NEB: variants seen among roughly 807,000 people sequenced by gnomAD.
The protein encoded by NEB is nebulin.
NEB carries 512 observed loss-of-function variants against 952.2 expected under a neutral mutation model. That is an observed-to-expected ratio of 0.54 (90% CI 0.50 to 0.58). NEB has a LOEUF of 0.58. Among genes scored for constraint, NEB ranks in the 20% least tolerant of loss-of-function variants. The probability of loss-of-function intolerance (pLI) is 0.00; values close to 1 mark genes in which losing one functional copy is unlikely to be tolerated. For missense variants in NEB, 8,428 were observed against 9,231.1 expected (o/e 0.91, Z 3.56); for synonymous variants, 2,900 against 3,149.8 (o/e 0.92, Z 2.66).
intron 67 of NEB, 113 bp downstream of exon 67, chr2:151,630,602 G>T: frequency 2.6e-6 from 2 of 756,770 alleles, no homozygotes; most frequent in East Asian, 5.5e-5. Flanking sequence ...TGGATGAGTG[G>T]AGTGTTAAAT....
Position 151,734,410 on chromosome 2 carries a change from A to G in NEB, c.-126T>C, listed in dbSNP as rs1393379130. 6.6e-6 allele frequency: 1 copy of G among 152,174 alleles called. No individual in the cohort carries two copies. The highest frequency in any genetic ancestry group is 1.9e-4 in the East Asian group (1 of 5,184). The allele number at this position is 152,174 out of a possible 1,614,324, so 9.4% of individuals were successfully genotyped here. A position where few individuals can be genotyped will look rare whatever the true frequency, so the allele number is the denominator to read the frequency against. Reference sequence around the variant, plus strand: ...AAACTGGCCTTACCTTCAATCTACCAAATAAATTTCCTCAGCAGCAAAGCC... The same window carrying G: ...AAACTGGCCTTACCTTCAATCTACCGAATAAATTTCCTCAGCAGCAAAGCC... On this transcript the variant is annotated 5_prime_UTR_variant, in exon 1 of 182. Transcript: ENST00000397345.
chr2:151,732,567 C>T (rs894766851), intron 3 of NEB, among the ~76,000 whole-genome samples: 1 of 151,988 alleles, frequency 6.6e-6, no homozygotes, highest in Non-Finnish European at 1.5e-5. Flanking sequence ...GACCTTCATG[C>T]CTTTATTTAT....
At chr2:151,577,756 T>C (rs2096929785) in intron 105 of NEB, among the ~76,000 whole-genome samples, 1 of 152,160 alleles carries the variant, frequency 6.6e-6, no homozygotes, top group Admixed American at 6.5e-5. Flanking sequence ...TTTTTGTGTT[T>C]TTAGTAAAGA....
chr2:151,628,586 A>G (rs1386707009), intron 68 of NEB, among the ~76,000 whole-genome samples: 2 of 152,174 alleles, frequency 1.3e-5, no homozygotes, highest in South Asian at 4.1e-4. Flanking sequence ...TATGCCTGTA[A>G]TCCCAGCACT....
rs1268334135 is a variant in NEB, at chr2:151,485,831, A to G, written c.25507T>C (p.Trp8503Arg). 1.2e-6 allele frequency: 2 copies of G among 1,614,006 alleles called. No individual in the cohort carries two copies. The highest frequency in any genetic ancestry group is 1.7e-6 in the Non-Finnish European group (2 of 1,179,962). Reference sequence around the variant, plus strand: ...GTCCTCTGCACAGTGCCATACATCCAGCCTTCATCAATTGCTTGAACATTT... The same window carrying G: ...GTCCTCTGCACAGTGCCATACATCCGGCCTTCATCAATTGCTTGAACATTT... ...IINVQAIDEG[W>R]MYGTVQRTGR... Residue 8503 changes from tryptophan to arginine, a missense_variant, in exon 182 of 182, where the codon TGG (tryptophan) becomes CGG (arginine). By Grantham distance (101) the Trp-to-Arg change is moderately radical. Around this residue, in one of 11 missense-constraint regions of NEB, gnomAD observed 3,374 missense variants for 3,651.5 expected, o/e 0.92. Transcript: ENST00000397345.
Position 151,501,486 on chromosome 2 carries a change from G to T in NEB, c.23929-3C>A, listed in dbSNP as rs1467422429. On this transcript the variant is annotated splice_polypyrimidine_tract_variant and splice_region_variant and intron_variant, in intron 167 of 181. Coordinates refer to ENST00000397345, the MANE Select transcript of NEB (RefSeq NM_001164508.2). ...CTCAAGTTCTCTTTGTACAATATCT[G>T]TGTGCACAAAACCAACAAACAAATC... 1.4e-6 allele frequency: 2 copies of T among 1,464,030 alleles called. No homozygotes were observed. The highest frequency in any genetic ancestry group is 2.8e-5 in the African/African-American group (2 of 70,518). 90.7% of individuals were successfully genotyped at this position (1,464,030 alleles called of 1,614,324 possible). A position where few individuals can be genotyped will look rare whatever the true frequency, so the allele number is the denominator to read the frequency against.
At chr2:151,702,174 T>C (rs577751355) in intron 13 of NEB, among the ~76,000 whole-genome samples, 159 of 148,774 alleles carry the variant, frequency 1.1e-3, no homozygotes, top group African/African-American at 3.5e-3. Context: ...AGTTGAGCGG[T>C]TTTGAGTGAG....
rs765813999 is a variant in NEB, at chr2:151,491,714, G to A, written c.25119C>T (p.Asn8373=). Residue 8373 remains asparagine, a synonymous_variant, in exon 179 of 182, where the codon AAC becomes AAT. Coordinates refer to ENST00000397345, the MANE Select transcript of NEB (RefSeq NM_001164508.2). ...TCATGTGTAAGCTTCGGGACTGGAT[G>A]TTGTCTTCTGCTGGATCATAGTCAA... ...SVFDYDPAED[N]IQSRSLHMIN... 4.4e-6 allele frequency: 7 copies of A among 1,598,122 alleles called. No homozygotes were observed. Among genetic ancestry groups the A allele is most frequent in the South Asian group, 2.3e-5 (2 of 87,932 alleles).
chr2:151,520,429 T>C (rs796778401), intron 153 of NEB, among the ~76,000 whole-genome samples: 8 of 152,238 alleles, frequency 5.3e-5, no homozygotes, highest in African/African-American at 1.9e-4. Context: ...TTAGTATACA[T>C]AAAAATAAGT....
chr2:151,570,547 C>T lies in NEB; in HGVS notation c.17068G>A (p.Asp5690Asn). ...EMKAGCDVRL[D>N]AIPIQAAKAS... The stretch of plus-strand genomic sequence containing the variant: ...TTGGCAGCCTGGATGGGGATGGCAT[C>T]CAGCCGGACATCACAGCCCGCCTTC... Residue 5690 changes from aspartate (D) to asparagine (N), a missense_variant, in exon 108 of 182, where the codon GAT (aspartate) becomes AAT (asparagine). By Grantham distance (23) the Asp-to-Asn change is conservative (BLOSUM62 1). Coordinates refer to ENST00000397345, the MANE Select transcript of NEB (RefSeq NM_001164508.2). The T allele has an allele frequency of 1.9e-6, 3 of 1,610,886 alleles. No homozygotes were observed. The highest frequency in any genetic ancestry group is 1.7e-6 in the Non-Finnish European group (2 of 1,178,724).
intron 10 of NEB, among the ~76,000 whole-genome samples, chr2:151,712,363 G>A (rs1233778799): frequency 6.6e-6 from 1 of 152,154 alleles, no homozygotes; most frequent in East Asian, 1.9e-4. Context: ...ATTTGTTAAG[G>A]ATAATTGAGC....
chr2:151,679,681 C>CCT, intron 32 of NEB, 40 bp downstream of exon 32: 1 of 957,198 alleles, frequency 1.0e-6, no homozygotes, highest in South Asian at 1.4e-5. Context: ...CACCCACCCA[C>CCT]ATTTTCTAGT....
chr2:151,731,713 TTTCCAG>T (rs1289907892), intron 3 of NEB, among the ~76,000 whole-genome samples: 2 of 152,140 alleles, frequency 1.3e-5, no homozygotes, highest in African/African-American at 4.8e-5. Context: ...CTAAGGACAA[TTTCCAG>T]TGGCAAAGGT....
intron 3 of NEB, 150 bp downstream of exon 3, chr2:151,732,971 C>G: frequency 1.6e-6 from 1 of 617,894 alleles, no homozygotes. Flanking sequence ...TGAAACTGAA[C>G]ATAAAATATT....
rs1275261081 is a variant in NEB at position 151,592,064 on chromosome 2, T to G, written c.14796A>C (p.Gln4932His). The G allele has an allele frequency of 1.3e-6, 2 of 1,549,644 alleles. No homozygotes were observed. Among genetic ancestry groups the G allele is most frequent in the African/African-American group, 2.7e-5 (2 of 73,132 alleles). The part of the protein sequence containing the change: ...NVPADTPLML[Q>H]SKINALQISN... ...TGATCTGCAGAGCATTGATTTTGGA[T>G]TGCAGCATCAGGGGAGTGTCAGCTG... The change falls in exon 95 of 182, where the codon CAA (glutamine) becomes CAC (histidine). Residue 4932 changes from glutamine to histidine, a missense_variant. Around this residue, in one of 11 missense-constraint regions of NEB, gnomAD observed 13 missense variants for 40.6 expected, o/e 0.32. Transcript: ENST00000397345.
chr2:151,623,882 TAG>T (rs971274320), intron 71 of NEB, among the ~76,000 whole-genome samples: 10 of 152,084 alleles, frequency 6.6e-5, no homozygotes, highest in African/African-American at 1.9e-4. Flanking sequence ...GCCAAAAAAA[TAG>T]AGTTCTTTAA....
In NEB at chr2:151,640,414, A is replaced by G. The variant is rs1327810284; in HGVS notation, c.8626T>C (p.Cys2876Arg). The part of the protein sequence containing the change: ...DYKNYLHQWT[C>R]LPDQSDVIHA... Reference sequence around the variant, plus strand: ...ATGACGTCGCTCTGGTCGGGCAGGCATGTCCACTGGTGCAGGTAGTTCTTG... The same window carrying G: ...ATGACGTCGCTCTGGTCGGGCAGGCGTGTCCACTGGTGCAGGTAGTTCTTG... Residue 2876 changes from cysteine to arginine, a missense_variant, in exon 61 of 182, where the codon TGC (cysteine) becomes CGC (arginine). This residue lies in a region of NEB where 1,772 missense variants were observed against 1,960.3 expected (regional missense o/e 0.90). Transcript: ENST00000397345. 1.9e-6 allele frequency: 3 copies of G among 1,613,874 alleles called. No individual in the cohort carries two copies. The highest frequency in any genetic ancestry group is 2.7e-5 in the African/African-American group (2 of 74,920).
At chr2:151,702,732 C>G (rs6747113) in intron 13 of NEB, among the ~76,000 whole-genome samples, 101,927 of 151,906 alleles carry the variant, frequency 0.67, 38,206 homozygotes, top group Non-Finnish European at 0.83. Context: ...AGATCTTCCA[C>G]CATCCTTTTA....
At position 151,506,259 on chromosome 2, in the gene NEB, C is replaced by G. The variant is rs749583428; in HGVS notation, c.23557-1G>C. Reference sequence around the variant, plus strand: ...GTGAGACATCCTCTTTATATAAAACCTGGGCATTCAGAATCAGGACAGTGT... The same window carrying G: ...GTGAGACATCCTCTTTATATAAAACGTGGGCATTCAGAATCAGGACAGTGT... On this transcript the variant is annotated splice_acceptor_variant, in intron 163 of 181. Coordinates refer to ENST00000397345, the MANE Select transcript of NEB (RefSeq NM_001164508.2). LOFTEE classifies it high-confidence loss of function. 1 of 1,608,484 alleles carries G rather than the reference C, an allele frequency of 6.2e-7. No individual in the cohort carries two copies. The highest frequency in any genetic ancestry group is 8.5e-7 in the Non-Finnish European group (1 of 1,175,014).
Sources: gnomAD v4.1 joint callset for allele counts (sites outside exome capture counted in the v4.1 genomes callset) on GRCh38, gnomAD v4.1.1 for gene constraint, gnomAD v4.1.1 regional missense constraint, MANE v1.5 for transcripts, NCBI Gene and HGNC (gene_info 2026-07-23, HGNC 2026-07-21) for gene names.